The following RICTOR variants were observed in gnomAD, a reference collection of about 807,000 sequenced individuals.
RICTOR encodes RPTOR independent companion of MTOR complex 2, also known as rapamycin-insensitive companion of mTOR.
Under a neutral mutation model 214.9 loss-of-function variants are expected in RICTOR, and 49 were observed. The observed-to-expected ratio is 0.23, with a 90% CI of 0.18 to 0.29. The LOEUF (loss-of-function observed/expected upper bound fraction) is 0.29, where lower values mean the gene tolerates loss of function less well. Ranked by LOEUF, RICTOR falls within the 10% of genes least tolerant of loss-of-function variation. RICTOR has a pLI of 1.00. For missense variants in RICTOR, 1,625 were observed against 2,047.0 expected, an observed-to-expected ratio of 0.79 and a Z score of 3.98; for synonymous variants, 717 against 711.3, an observed-to-expected ratio of 1.01 and a Z score of -0.13.
rs2150023718 is a variant in RICTOR at position 38,962,875 on chromosome 5, C to T, written c.1566+1G>A. 1 of 1,609,640 alleles carries T rather than the reference C, an allele frequency of 6.2e-7. No homozygotes were observed. Among genetic ancestry groups the T allele is most frequent in the Non-Finnish European group, 8.5e-7 (1 of 1,176,218 alleles). On this transcript the variant is annotated splice_donor_variant, in intron 17 of 37. Coordinates refer to ENST00000357387, the MANE Select transcript of RICTOR (RefSeq NM_152756.5). LOFTEE classifies it high-confidence loss of function. Reference sequence around the variant, plus strand: ...TGAAAATCATGATTTCATGTCAGCACCTTAAGGATAAATATATCTTTCTGA... The same window carrying T: ...TGAAAATCATGATTTCATGTCAGCATCTTAAGGATAAATATATCTTTCTGA...
intron 36 of RICTOR, 129 bp downstream of exon 36, chr5:38,944,317 C>G: frequency 1.1e-6 from 1 of 899,930 alleles, no homozygotes; most frequent in Non-Finnish European, 1.8e-6. Flanking sequence ...TAGCCTCACA[C>G]AGGTATGCAA....
chr5:38,961,176 T>C lies in RICTOR; in HGVS notation c.1716-643A>G, dbSNP rs1579922835. 3.9e-5 allele frequency among the ~76,000 whole-genome samples: 6 copies of C among 152,060 alleles called. No individual in the cohort carries two copies. The Middle Eastern group carries it at 0.02, about 517-fold the overall frequency. On this transcript the variant is annotated intron_variant, in intron 19 of 37. Coordinates refer to ENST00000357387, the MANE Select transcript of RICTOR (RefSeq NM_152756.5). ...AAAAAAAATCTCTGTGGAGTAAGAATTTTATGGTGAGATGGTTAGAAAAAA... is the reference window on the plus strand; with the variant it reads ...AAAAAAAATCTCTGTGGAGTAAGAACTTTATGGTGAGATGGTTAGAAAAAA...
At chr5:38,957,952 T>A (rs1749424391) in intron 24 of RICTOR, among the ~76,000 whole-genome samples, 1 of 151,944 alleles carries the variant, frequency 6.6e-6, no homozygotes, top group Non-Finnish European at 1.5e-5. Context: ...ATAAAGAAAA[T>A]GTCAGCCAGG....
chr5:39,068,063 T>C (rs1037466864), intron 2 of RICTOR, among the ~76,000 whole-genome samples: 2 of 151,918 alleles, frequency 1.3e-5, no homozygotes, highest in Non-Finnish European at 2.9e-5. Context: ...TAGAAAATAA[T>C]AAATAAAGAC....
At chr5:39,046,204 A>G (rs561637758) in intron 2 of RICTOR, among the ~76,000 whole-genome samples, 3 of 151,194 alleles carry the variant, frequency 2.0e-5, no homozygotes, top group East Asian at 1.9e-4. Flanking sequence ...TAGGGGAAAA[A>G]AAAAACAAAA....
At chr5:39,017,854 A>G (rs532330630) in intron 3 of RICTOR, among the ~76,000 whole-genome samples, 2 of 152,252 alleles carry the variant, frequency 1.3e-5, no homozygotes, top group South Asian at 2.1e-4. Context: ...ATGTACACAT[A>G]CATTTACTTG....
chr5:38,959,306 G>T lies in RICTOR; in HGVS notation c.2067C>A (p.Cys689Ter). Residue 689 changes from cysteine (C) to a stop codon, truncating the protein, a stop_gained, in exon 22 of 38, where the codon TGC becomes TGA. Transcript: ENST00000357387. LOFTEE classifies it high-confidence loss of function. ...CSVFQCLLNLCSLKNQDHLLK... is the reference protein window; with the variant it reads ...CSVFQCLLNL ...GCAAGTGATCTTGGTTTTTCAAGGA[G>T]CAAAGATTAAGGAGACTTAAAAGAA... 2 of 1,557,572 alleles carry T rather than the reference G, an allele frequency of 1.3e-6. No homozygotes were observed. Among genetic ancestry groups the T allele is most frequent in the Admixed American group, 1.8e-5 (1 of 55,750 alleles).
rs1405974448 is a variant in RICTOR, at chr5:38,941,241, T to C, written c.*1063A>G. On this transcript the variant is annotated 3_prime_UTR_variant, in exon 38 of 38. Transcript: ENST00000357387. Reference sequence around the variant, plus strand: ...AGTTTGTGCAAAACAAAAACACTGATATAAAAATTAAGTTACTGCTGCTTT... The same window carrying C: ...AGTTTGTGCAAAACAAAAACACTGACATAAAAATTAAGTTACTGCTGCTTT... 4.3e-6 allele frequency: 1 copy of C among 232,640 alleles called. No homozygotes were observed. Among genetic ancestry groups the C allele is most frequent in the African/African-American group, 2.2e-5 (1 of 45,318 alleles). 14.4% of individuals were successfully genotyped at this position (232,640 alleles called of 1,614,324 possible).
chr5:39,061,925 A>G (rs906999232), intron 2 of RICTOR, among the ~76,000 whole-genome samples: 2 of 152,068 alleles, frequency 1.3e-5, no homozygotes, highest in Admixed American at 1.3e-4. Context: ...TCCCATGAGA[A>G]AAAAGAAAGA....
chr5:39,006,697 G>A (rs924050091), intron 3 of RICTOR, among the ~76,000 whole-genome samples: 3 of 13,082 alleles, frequency 2.3e-4, no homozygotes, highest in African/African-American at 1.8e-3. Flanking sequence ...GAAGGGGAAG[G>A]GAGAGGAGGG....
rs781542631 is a variant in RICTOR, at chr5:38,950,334, T to C, written c.3514A>G (p.Thr1172Ala). The change falls in exon 31 of 38, where the codon ACT becomes GCT. Residue 1172 changes from threonine (T) to alanine (A), a missense_variant. Coordinates refer to ENST00000357387, the MANE Select transcript of RICTOR (RefSeq NM_152756.5). ...TCTCCAATGCTTGGTGTACTACCAG[T>C]GTCTTCAATGTGCTTATTCCCCATA... ...SFMGNKHIED[T>A]GSTPSIGEND... The C allele has an allele frequency of 4.9e-5, 79 of 1,613,396 alleles. No homozygotes were observed. Among genetic ancestry groups the C allele is most frequent in the Non-Finnish European group, 2.5e-6 (3 of 1,179,592 alleles).
At chr5:39,066,698 T>C (rs990051556) in intron 2 of RICTOR, among the ~76,000 whole-genome samples, 1 of 152,246 alleles carries the variant, frequency 6.6e-6, no homozygotes, top group African/African-American at 2.4e-5. Context: ...AGGACACATC[T>C]TGAACACTTT....
intron 8 of RICTOR, among the ~76,000 whole-genome samples, chr5:38,979,551 A>C (rs1256486628): frequency 6.6e-6 from 1 of 152,110 alleles, no homozygotes; most frequent in East Asian, 1.9e-4. Flanking sequence ...TTTAACAACA[A>C]ATCATATTTA....
intron 31 of RICTOR, chr5:38,949,500 T>C: frequency 7.4e-7 from 1 of 1,356,800 alleles, no homozygotes; most frequent in Non-Finnish European, 1.0e-6. Context: ...TATGTTTATT[T>C]TCAGGGCCTA....
intron 19 of RICTOR, among the ~76,000 whole-genome samples, chr5:38,961,044 C>T (rs1408913183): frequency 3.9e-5 from 6 of 151,912 alleles, no homozygotes; most frequent in Non-Finnish European, 7.4e-5. Context: ...TTATAAATAA[C>T]TGCCAGTCTC....
rs910332251 is a variant in RICTOR at position 38,968,569 on chromosome 5, C to T, written c.973-539G>A. On this transcript the variant is annotated intron_variant, in intron 11 of 37. Coordinates refer to ENST00000357387, the MANE Select transcript of RICTOR (RefSeq NM_152756.5). ...GACTAGGAACATAGTGAAACCCCAT[C>T]TCTACAAAAAATTTAAAAATTCACT... Among the ~76,000 whole-genome samples the T allele has an allele frequency of 1.6e-4, 25 of 151,592 alleles. 1 individual carries two copies. The highest frequency in any genetic ancestry group is 1.6e-3 in the Admixed American group (25 of 15,194).
chr5:38,999,940 T>C (rs1404323047), intron 5 of RICTOR, among the ~76,000 whole-genome samples: 1 of 151,976 alleles, frequency 6.6e-6, no homozygotes, highest in Admixed American at 6.5e-5. Context: ...AGGTATACCA[T>C]GCAACCACTA....
In RICTOR at chr5:38,941,899, A is replaced by C. The variant is rs564788928; in HGVS notation, c.*405T>G. 1 of 234,498 alleles carries C rather than the reference A, an allele frequency of 4.3e-6. No homozygotes were observed. Among genetic ancestry groups the C allele is most frequent in the East Asian group, 6.0e-5 (1 of 16,540 alleles). The allele number at this position is 234,498 out of a possible 1,614,324, so 14.5% of individuals were successfully genotyped here. A position where few individuals can be genotyped will look rare whatever the true frequency, so the allele number is the denominator to read the frequency against. ...CTTTCCACAAGTTAGTTAACAAACA[A>C]GGCATCTGTATTATTTACCCTAAAA... On this transcript the variant is annotated 3_prime_UTR_variant, in exon 38 of 38. Transcript: ENST00000357387.
chr5:39,001,846 T>A (rs925650148), intron 5 of RICTOR, among the ~76,000 whole-genome samples: 2 of 151,818 alleles, frequency 1.3e-5, no homozygotes, highest in African/African-American at 4.8e-5. Flanking sequence ...AAACTGAAAA[T>A]AGCAAGTGTT....
Sources: allele counts gnomAD v4.1 joint callset (sites outside exome capture counted in the v4.1 genomes callset), GRCh38; gene constraint gnomAD v4.1.1; transcripts MANE v1.5; gene names NCBI Gene and HGNC (gene_info 2026-07-23, HGNC 2026-07-21).